The following GLO1 variants were observed in gnomAD, a reference collection of about 807,000 sequenced individuals.
The protein encoded by GLO1 is glyoxalase I, also known as lactoylglutathione lyase.
GLO1 carries 28 observed loss-of-function variants against 26.0 expected under a neutral mutation model. The observed-to-expected ratio is 1.08, with a 90% CI of 0.80 to 1.48. The LOEUF is 1.48. Among genes scored for constraint, GLO1 ranks in the 40% most tolerant of loss-of-function variants. GLO1 has a pLI of 0.00. For missense variants in GLO1, 225 were observed against 224.8 expected (o/e 1.00, Z -0.01); for synonymous variants, 78 against 77.6 (o/e 1.00, Z -0.03).
rs1011853100 is a variant in GLO1, at chr6:38,676,993, G to A, written c.*302C>T. On this transcript the variant is annotated 3_prime_UTR_variant, in exon 6 of 6. Coordinates refer to ENST00000373365, the MANE Select transcript of GLO1 (RefSeq NM_006708.3). ...GATGATTCAAAGGCAGATTTGAAGG[G>A]AAGTAATATTTAGGTGGCAGAAGAA... 21 of 259,810 alleles carry A rather than the reference G, an allele frequency of 8.1e-5. No individual in the cohort carries two copies. The highest frequency in any genetic ancestry group is 1.1e-3 in the Middle Eastern group (1 of 886). The allele number at this position is 259,810 out of a possible 1,614,324, so 16.1% of individuals were successfully genotyped here. A position where few individuals can be genotyped will look rare whatever the true frequency, so the allele number is the denominator to read the frequency against.
Position 38,684,509 on chromosome 6 carries a change from A to G in GLO1, c.173T>C (p.Ile58Thr). The G allele has an allele frequency of 6.5e-7, 1 of 1,530,068 alleles. No individual in the cohort carries two copies. The highest frequency in any genetic ancestry group is 2.4e-5 in the East Asian group (1 of 41,028). The allele number at this position is 1,530,068 out of a possible 1,614,324, so 94.8% of individuals were successfully genotyped here. Residue 58 changes from isoleucine to threonine, a missense_variant, in exon 3 of 6, where the codon ATC (isoleucine) becomes ACC (threonine). Transcript: ENST00000373365. ...CATAATGGGAAAATCACATTTTTGG[A>G]TTAGCCTGCAATGAAAAAACAACAA... Reference protein sequence around the residue: ...FYTRVLGMTLIQKCDFPIMKF... With the variant: ...FYTRVLGMTLTQKCDFPIMKF...
In GLO1 at chr6:38,684,490, G is replaced by A. The variant is rs1262710807; in HGVS notation, c.192C>T (p.Pro64=). The change falls in exon 3 of 6, where the codon CCC becomes CCT. Residue 64 remains proline (P), a synonymous_variant. Coordinates refer to ENST00000373365, the MANE Select transcript of GLO1 (RefSeq NM_006708.3). ...AGAAGTAGAGTGAAAACTTCATAAT[G>A]GGAAAATCACATTTTTGGATTAGCC... is the stretch of plus-strand genomic sequence containing the variant. ...GMTLIQKCDF[P]IMKFSLYFLA... 1.9e-6 allele frequency: 3 copies of A among 1,549,186 alleles called. No individual in the cohort carries two copies. Among genetic ancestry groups the A allele is most frequent in the East Asian group, 2.4e-5 (1 of 42,046 alleles).
At chr6:38,689,629 C>T (rs1761504850) in intron 1 of GLO1, among the ~76,000 whole-genome samples, 2 of 152,120 alleles carry the variant, frequency 1.3e-5, no homozygotes, top group Admixed American at 6.5e-5. Context: ...TGGAAAACAA[C>T]TGGAATATCA....
chr6:38,697,365 G>A (rs1761627708), intron 1 of GLO1, among the ~76,000 whole-genome samples: 1 of 152,330 alleles, frequency 6.6e-6, no homozygotes, highest in African/African-American at 2.4e-5. Flanking sequence ...TTCAGTGGGA[G>A]TCCTTACAGG....
chr6:38,682,993 C>G, intron 3 of GLO1, 118 bp from the exon 4 acceptor site: 1 of 635,760 alleles, frequency 1.6e-6, no homozygotes, highest in South Asian at 2.0e-5. Flanking sequence ...TGGCCTAACC[C>G]CTGCTACAAA....
In GLO1 at chr6:38,677,332, T is replaced by C; in HGVS notation, c.518A>G (p.Glu173Gly). 1 of 1,568,286 alleles carries C rather than the reference T, an allele frequency of 6.4e-7. No individual in the cohort carries two copies. The highest frequency in any genetic ancestry group is 8.8e-7 in the Non-Finnish European group (1 of 1,138,252). Residue 173 changes from glutamate (E) to glycine (G), a missense_variant, in exon 6 of 6, where the codon GAA (glutamate) becomes GGA (glycine). Physicochemically the swap from Glu to Gly is moderately conservative, Grantham distance 98. Coordinates refer to ENST00000373365, the MANE Select transcript of GLO1 (RefSeq NM_006708.3). ...TGCCATTTTGTTAGGATTCAAAATT[T>C]CAATCCAGTAGCCATCAGGATCTTG... Reference protein sequence around the residue: ...FIQDPDGYWIEILNPNKMATL... With the variant: ...FIQDPDGYWIGILNPNKMATL...
intron 3 of GLO1, chr6:38,683,102 T>G (rs1431524637): frequency 2.1e-6 from 1 of 485,186 alleles, no homozygotes; most frequent in East Asian, 3.1e-5. Flanking sequence ...AGAACAATAA[T>G]AAGAATAATA....
Position 38,702,208 on chromosome 6 carries a change from T to C in GLO1, c.84+763A>G, listed in dbSNP as rs1761713899. 2.6e-5 allele frequency among the ~76,000 whole-genome samples: 4 copies of C among 152,260 alleles called. No individual in the cohort carries two copies. In the South Asian group the frequency reaches 8.3e-4, roughly 32 times the overall value. ...TCCCAAAGTGCTGGGATTACAGGCG[T>C]GAGCCACCGCGCCCGCCAACTGTGT... On this transcript the variant is annotated intron_variant, in intron 1 of 5. Transcript: ENST00000373365.
chr6:38,695,859 T>C (rs1462141009), intron 1 of GLO1, among the ~76,000 whole-genome samples: 1 of 152,186 alleles, frequency 6.6e-6, no homozygotes, highest in East Asian at 1.9e-4. Flanking sequence ...TTTTTTGGTC[T>C]GTGTCCATCA....
intron 1 of GLO1, among the ~76,000 whole-genome samples, chr6:38,695,350 C>G (rs954409956): frequency 1.3e-5 from 2 of 151,954 alleles, no homozygotes; most frequent in Non-Finnish European, 2.9e-5. Flanking sequence ...TACAGACATA[C>G]ATGTATATAT....
At chr6:38,693,774 G>A (rs1462368437) in intron 1 of GLO1, among the ~76,000 whole-genome samples, 3 of 151,292 alleles carry the variant, frequency 2.0e-5, no homozygotes, top group Admixed American at 2.0e-4. Flanking sequence ...GCAGTGGAGC[G>A]ATCTCGGCTC....
chr6:38,694,535 T>A (rs1008637616), intron 1 of GLO1, among the ~76,000 whole-genome samples: 5 of 152,038 alleles, frequency 3.3e-5, no homozygotes, highest in African/African-American at 1.2e-4. Flanking sequence ...AAAAATTAGC[T>A]GGGTGTGGTA....
chr6:38,695,842 T>G (rs932196774), intron 1 of GLO1, among the ~76,000 whole-genome samples: 5 of 152,126 alleles, frequency 3.3e-5, no homozygotes, highest in Non-Finnish European at 4.4e-5. Flanking sequence ...AGGCTTTCAT[T>G]AGGCTTTTTT....
intron 1 of GLO1, 98 bp from the exon 2 acceptor site, chr6:38,687,072 C>T: frequency 6.7e-7 from 1 of 1,491,114 alleles, no homozygotes; most frequent in South Asian, 1.4e-5. Flanking sequence ...CAATTGTTAA[C>T]CTACCACCTA....
chr6:38,682,118 C>T lies in GLO1; in HGVS notation c.377-17G>A, dbSNP rs773017496. 8.2e-6 allele frequency: 11 copies of T among 1,342,170 alleles called. No homozygotes were observed. The highest frequency in any genetic ancestry group is 3.4e-5 in the Admixed American group (2 of 59,342). The allele number at this position is 1,342,170 out of a possible 1,614,324, so 83.1% of individuals were successfully genotyped here. On this transcript the variant is annotated splice_polypyrimidine_tract_variant and intron_variant, in intron 4 of 5. Coordinates refer to ENST00000373365, the MANE Select transcript of GLO1 (RefSeq NM_006708.3). Reference sequence around the variant, plus strand: ...CAATATGACCTTACGTGATACCCCCCGAAAAAAGCAGAGAGAAGGAAGAAA... The same window carrying T: ...CAATATGACCTTACGTGATACCCCCTGAAAAAAGCAGAGAGAAGGAAGAAA...
rs113411689 is a variant in GLO1, at chr6:38,684,633, T to C, written c.168-119A>G. On this transcript the variant is annotated intron_variant, in intron 2 of 5. Coordinates refer to ENST00000373365, the MANE Select transcript of GLO1 (RefSeq NM_006708.3). ...AAAGAAGAGCTATATGTAGTAAGCC[T>C]ATTTTAATGGAATAAGCAGGAGGAA... 6.1e-5 allele frequency: 30 copies of C among 494,758 alleles called. 1 individual carries two copies. The highest frequency in any genetic ancestry group is 5.7e-4 in the African/African-American group (29 of 50,566). 30.6% of individuals were successfully genotyped at this position (494,758 alleles called of 1,614,324 possible).
intron 1 of GLO1, among the ~76,000 whole-genome samples, chr6:38,701,580 T>C (rs944427338): frequency 3.3e-5 from 5 of 152,200 alleles, no homozygotes; most frequent in African/African-American, 4.8e-5. Context: ...ATTTACATTA[T>C]ATGAAAAAAC....
At chr6:38,686,071 G>A (rs1356663612) in intron 2 of GLO1, among the ~76,000 whole-genome samples, 1 of 152,138 alleles carries the variant, frequency 6.6e-6, no homozygotes, top group African/African-American at 2.4e-5. Context: ...CTTTAAATAT[G>A]TCATAAATAT....
Position 38,684,048 on chromosome 6 carries a change from C to T in GLO1, c.308+326G>A, listed in dbSNP as rs566565205. On this transcript the variant is annotated intron_variant, in intron 3 of 5. Coordinates refer to ENST00000373365, the MANE Select transcript of GLO1 (RefSeq NM_006708.3). Reference sequence around the variant, plus strand: ...AACATAGTGAGACCTTGCCTCTATGCCTCTACCAAAAACAAACAAACAAAA... The same window carrying T: ...AACATAGTGAGACCTTGCCTCTATGTCTCTACCAAAAACAAACAAACAAAA... Among the ~76,000 whole-genome samples the T allele has an allele frequency of 2.7e-4, 41 of 152,118 alleles. No individual in the cohort carries two copies. The East Asian group carries it at 6.2e-3, about 23-fold the overall frequency.
Sources: allele counts gnomAD v4.1 joint callset (sites outside exome capture counted in the v4.1 genomes callset), GRCh38; gene constraint gnomAD v4.1.1; transcripts MANE v1.5; gene names NCBI Gene and HGNC (gene_info 2026-07-23, HGNC 2026-07-21).